RANBP2: variants seen among roughly 807,000 people sequenced by gnomAD.
RANBP2 encodes RAN binding protein 2, also known as E3 SUMO-protein ligase RanBP2.
In RANBP2, 57 loss-of-function variants were observed where a neutral mutation model predicts 303.6. The observed-to-expected ratio is 0.19, with a 90% confidence interval of 0.15 to 0.23. RANBP2 has a LOEUF of 0.23. RANBP2 is among the 10% of genes least tolerant of loss of function. The pLI is 1.00. For missense variants in RANBP2, 3,138 were observed against 3,780.8 expected (o/e 0.83, Z 4.46); for synonymous variants, 1,167 against 1,301.5 (o/e 0.90, Z 2.23).
chr2:108,743,149 T>C (rs1477331100), intron 7 of RANBP2, among the ~76,000 whole-genome samples: 1 of 152,240 alleles, frequency 6.6e-6, no homozygotes, highest in Non-Finnish European at 1.5e-5. Flanking sequence ...TATTAGAGTC[T>C]TGCTGTGTCA....
At chr2:108,979,467 TCACACACACACACA>T in the RANBP2 span, among the ~76,000 whole-genome samples, 10 of 147,112 alleles carry the variant, frequency 6.8e-5, no homozygotes, top group South Asian at 4.4e-4. Flanking sequence ...TCTCTCTCTC[TCACACACACACACA>T]CACACACACA....
At chr2:108,775,618 T>C in intron 23 of RANBP2, 114 bp from the exon 24 acceptor site, 1 of 1,064,866 alleles carries the variant, frequency 9.4e-7, no homozygotes, top group Non-Finnish European at 1.4e-6. Context: ...GAAGTGTGTT[T>C]ATTCTATCTT....
At chr2:108,974,065 C>T in the RANBP2 span, among the ~76,000 whole-genome samples, 1 of 152,106 alleles carries the variant, frequency 6.6e-6, no homozygotes, top group Admixed American at 6.5e-5. Flanking sequence ...CGCGGTGGCT[C>T]ACGCCTGTAA....
At chr2:108,888,332 T>A in the RANBP2 span, among the ~76,000 whole-genome samples, 1 of 152,156 alleles carries the variant, frequency 6.6e-6, no homozygotes, top group Non-Finnish European at 1.5e-5. Flanking sequence ...TAGTTTTCTT[T>A]TCTTGTTATG....
the RANBP2 span, chr2:109,546,329 G>T: frequency 1.3e-6 from 1 of 753,080 alleles, no homozygotes; most frequent in Non-Finnish European, 2.1e-6. Flanking sequence ...ACCCCATAGC[G>T]CAACACAGAA....
chr2:109,262,120 A>G, the RANBP2 span, among the ~76,000 whole-genome samples: 1 of 152,182 alleles, frequency 6.6e-6, no homozygotes, highest in Non-Finnish European at 1.5e-5. Flanking sequence ...CAGGGCAGGA[A>G]AGCCCTGGGA....
the RANBP2 span, among the ~76,000 whole-genome samples, chr2:109,452,914 T>TGCCA: frequency 6.8e-6 from 1 of 147,770 alleles, no homozygotes; most frequent in Admixed American, 6.7e-5. Flanking sequence ...GGGAGGCTGG[T>TGCCA]GCCAGGAGGC....
the RANBP2 span, among the ~76,000 whole-genome samples, chr2:108,793,888 C>T: frequency 5.9e-4 from 89 of 152,096 alleles, no homozygotes; most frequent in African/African-American, 2.0e-3. Context: ...AGGCGTGAGC[C>T]ACCGCGCCCT....
chr2:109,596,065 A>G, the RANBP2 span, among the ~76,000 whole-genome samples: 1 of 152,100 alleles, frequency 6.6e-6, no homozygotes, highest in Non-Finnish European at 1.5e-5. Flanking sequence ...AAGATCTCCC[A>G]CTATTGCTTA....
chr2:109,764,292 A>G, the RANBP2 span, among the ~76,000 whole-genome samples: 2 of 147,404 alleles, frequency 1.4e-5, no homozygotes, highest in Non-Finnish European at 3.0e-5. Context: ...GGCAGCAGAT[A>G]TGCAGAGGCG....
At chr2:109,159,755 A>T in the RANBP2 span, among the ~76,000 whole-genome samples, 1 of 152,164 alleles carries the variant, frequency 6.6e-6, no homozygotes, top group African/African-American at 2.4e-5. Flanking sequence ...AGATTCTCAC[A>T]GGAGCACAAA....
chr2:109,153,244 G>T, the RANBP2 span, among the ~76,000 whole-genome samples: 4 of 152,288 alleles, frequency 2.6e-5, no homozygotes, highest in East Asian at 5.8e-4. Flanking sequence ...TCTAATAAAA[G>T]AAATTACATT....
the RANBP2 span, among the ~76,000 whole-genome samples, chr2:109,152,280 C>T: frequency 6.6e-6 from 1 of 152,172 alleles, no homozygotes; most frequent in South Asian, 2.1e-4. Flanking sequence ...GGCATGTTCC[C>T]CTTGTTGTTG....
the RANBP2 span, among the ~76,000 whole-genome samples, chr2:109,078,077 AATATATATATATATATATATAT>A: frequency 1.3e-4 from 6 of 47,480 alleles, 1 homozygote; most frequent in African/African-American, 2.7e-4. Context: ...TTGACAGATG[AATATATATATATATATATATAT>A]ATATATATAT....
chr2:109,459,047 G>A, the RANBP2 span, among the ~76,000 whole-genome samples: 4 of 152,074 alleles, frequency 2.6e-5, no homozygotes, highest in African/African-American at 9.7e-5. Context: ...CAACAAGCCT[G>A]ACTACACCAA....
the RANBP2 span, among the ~76,000 whole-genome samples, chr2:109,499,300 C>T: frequency 2.2e-4 from 34 of 152,188 alleles, no homozygotes; most frequent in Admixed American, 1.5e-3. Context: ...AGGCCCATCT[C>T]GGTGCTGCTC....
the RANBP2 span, among the ~76,000 whole-genome samples, chr2:109,657,723 T>G: frequency 7.0e-6 from 1 of 142,898 alleles, no homozygotes; most frequent in South Asian, 2.4e-4. Context: ...AGTTTTTTTT[T>G]TTTTTTTTTT....
chr2:109,084,588 T>A, the RANBP2 span, among the ~76,000 whole-genome samples: 1 of 152,152 alleles, frequency 6.6e-6, no homozygotes, highest in African/African-American at 2.4e-5. Context: ...GAGTGTAGCC[T>A]CTTGTCTTTG....
the RANBP2 span, among the ~76,000 whole-genome samples, chr2:109,047,945 C>T: frequency 6.6e-6 from 1 of 152,226 alleles, no homozygotes; most frequent in Non-Finnish European, 1.5e-5. Context: ...GCAAACTAGG[C>T]TGGCCTGTGG....
Sources: gnomAD v4.1 joint callset for allele counts (sites outside exome capture counted in the v4.1 genomes callset) on GRCh38, gnomAD v4.1.1 for gene constraint, MANE v1.5 for transcripts, NCBI Gene and HGNC (gene_info 2026-07-23, HGNC 2026-07-21) for gene names.